DAB1: variants seen among roughly 807,000 people sequenced by gnomAD.
The protein encoded by DAB1 is DAB adaptor protein 1, also known as disabled homolog 1.
DAB1 carries 15 observed loss-of-function variants against 64.6 expected under a neutral mutation model. That is an observed-to-expected ratio of 0.23 (90% CI 0.16 to 0.36). The LOEUF (loss-of-function observed/expected upper bound fraction) is 0.36. DAB1 is among the 10% of genes least tolerant of loss of function. DAB1 has a pLI of 1.00. For missense variants in DAB1, 596 were observed against 706.7 expected (o/e 0.84, Z 1.78); for synonymous variants, 235 against 251.9 (o/e 0.93, Z 0.64).
chr1:58,126,115 A>C lies in DAB1; in HGVS notation n.387+24396T>G, dbSNP rs193162100. On this transcript the variant is annotated intron_variant and non_coding_transcript_variant, in intron 5 of 20. Transcript: ENST00000485760. ...TCAAGCATCAAACTTATTTGGTCCT[A>C]GAATAAAATCAGTCTGACCTTTTCC... Among the ~76,000 whole-genome samples the C allele has an allele frequency of 3.3e-3, 502 of 152,340 alleles. 3 individuals carry two copies. Among genetic ancestry groups the C allele is most frequent in the African/African-American group, 0.012 (485 of 41,590 alleles).
chr1:57,596,504 T>A (rs1645511704), intron 7 of DAB1, among the ~76,000 whole-genome samples: 1 of 151,880 alleles, frequency 6.6e-6, no homozygotes, highest in Admixed American at 6.6e-5. Context: ...TTTTTTTTTT[T>A]AAAGAGCCGA....
intron 5 of DAB1, among the ~76,000 whole-genome samples, chr1:58,139,437 C>A (rs1020179404): frequency 6.6e-6 from 1 of 152,124 alleles, no homozygotes; most frequent in African/African-American, 2.4e-5. Context: ...GCAAACACGT[C>A]CTTCTTCACA....
intron 4 of DAB1, among the ~76,000 whole-genome samples, chr1:58,153,187 AC>A (rs1655039770): frequency 6.6e-6 from 1 of 152,116 alleles, no homozygotes; most frequent in African/African-American, 2.4e-5. Flanking sequence ...TCATGCCTTT[AC>A]CCCCGAGTGC....
At chr1:58,510,946 T>TA (rs1052119399) in intron 2 of DAB1, among the ~76,000 whole-genome samples, 27 of 150,992 alleles carry the variant, frequency 1.8e-4, no homozygotes, top group African/African-American at 4.6e-4. Flanking sequence ...AAAAAGTATC[T>TA]AAAAAAAAAC....
intron 3 of DAB1, among the ~76,000 whole-genome samples, chr1:58,351,446 C>T (rs900263682): frequency 6.6e-6 from 1 of 152,092 alleles, no homozygotes; most frequent in African/African-American, 2.4e-5. Context: ...GATTCAAGAA[C>T]TCTCCATTTC....
At chr1:58,313,856 T>TGTGTGTGTGTGA (rs369709762) in intron 4 of DAB1, among the ~76,000 whole-genome samples, 9 of 112,064 alleles carry the variant, frequency 8.0e-5, no homozygotes, top group African/African-American at 2.7e-4. Flanking sequence ...TGTGTGTGTG[T>TGTGTGTGTGTGA]GAGAGAGAGA....
At chr1:57,012,641 T>C (rs1443096819) in intron 12 of DAB1, among the ~76,000 whole-genome samples, 1 of 152,220 alleles carries the variant, frequency 6.6e-6, no homozygotes, top group African/African-American at 2.4e-5. Flanking sequence ...AACAGCAAGT[T>C]TTTGGAAAAA....
intron 3 of DAB1, among the ~76,000 whole-genome samples, chr1:58,385,159 A>G (rs1211404160): frequency 6.6e-6 from 1 of 152,234 alleles, no homozygotes; most frequent in Non-Finnish European, 1.5e-5. Flanking sequence ...GCATAGCTTT[A>G]TTATATTGAT....
intron 3 of DAB1, among the ~76,000 whole-genome samples, chr1:58,362,317 G>T (rs917234407): frequency 6.6e-6 from 1 of 152,166 alleles, no homozygotes; most frequent in Non-Finnish European, 1.5e-5. Context: ...GACTGCCAAG[G>T]TTGGTCCCTC....
chr1:57,081,140 C>A (rs886138783), intron 4 of DAB1, among the ~76,000 whole-genome samples: 7 of 152,158 alleles, frequency 4.6e-5, no homozygotes, highest in South Asian at 2.1e-4. Flanking sequence ...CCTTCCATGG[C>A]TTTGTGGCCA....
intron 2 of DAB1, among the ~76,000 whole-genome samples, chr1:57,192,303 C>G (rs1253037364): frequency 7.0e-6 from 1 of 142,756 alleles, no homozygotes; most frequent in Non-Finnish European, 1.5e-5. Flanking sequence ...GGTGACAGAG[C>G]AAGTGAGACT....
intron 7 of DAB1, among the ~76,000 whole-genome samples, chr1:57,473,395 C>T (rs1316855665): frequency 6.6e-6 from 1 of 152,170 alleles, no homozygotes; most frequent in Non-Finnish European, 1.5e-5. Flanking sequence ...TTCCCCGCTG[C>T]AGTCACTGAC....
In DAB1 at chr1:57,991,845, CAAAAAAAA is replaced by C. The variant is rs56324635; in HGVS notation, n.388-107691_388-107684del. Among the ~76,000 whole-genome samples the C allele has an allele frequency of 2.0e-4, 12 of 60,154 alleles. No homozygotes were observed. In the South Asian group the frequency reaches 0.013, roughly 66 times the overall value. 39.5% of individuals were successfully genotyped at this position (60,154 alleles called of 152,430 possible). ...TGGGCAACAGATTGAGGCTCTGTCTCAAAAAAAAAAAAAAAAAAAAAAAAGGAGTAGGC... is the reference window on the plus strand; with the variant it reads ...TGGGCAACAGATTGAGGCTCTGTCTCAAAAAAAAAAAAAAAAGGAGTAGGC... On this transcript the variant is annotated intron_variant and non_coding_transcript_variant, in intron 5 of 20. Coordinates refer to the DAB1 transcript ENST00000485760.
At chr1:58,363,912 G>A (rs1644191633) in intron 3 of DAB1, among the ~76,000 whole-genome samples, 1 of 152,198 alleles carries the variant, frequency 6.6e-6, no homozygotes, top group Non-Finnish European at 1.5e-5. Context: ...CCATAGAACA[G>A]TGCATGGATT....
intron 2 of DAB1, among the ~76,000 whole-genome samples, chr1:57,180,781 G>A (rs906688554): frequency 1.3e-5 from 2 of 152,082 alleles, no homozygotes; most frequent in African/African-American, 4.8e-5. Context: ...TCTCTGCATG[G>A]CTCACTAAGG....
At chr1:57,695,244 AGAAAGAAAGAAAGAAGGAAG>A (rs1557427520) in intron 6 of DAB1, among the ~76,000 whole-genome samples, 37 of 59,340 alleles carry the variant, frequency 6.2e-4, no homozygotes, top group African/African-American at 1.6e-3. Context: ...AAAGGAAGAA[AGAAAGAAAGAAAGAAGGAAG>A]GAAGGAAGGA....
chr1:57,841,645 G>T (rs7527007), intron 1 of DAB1, among the ~76,000 whole-genome samples: 23,882 of 152,210 alleles, frequency 0.16, 2,008 homozygotes, highest in East Asian at 0.3. Flanking sequence ...GCTGTACCTT[G>T]GCCCCTTTTA....
chr1:57,270,849 G>A (rs1420528120), intron 2 of DAB1, among the ~76,000 whole-genome samples: 1 of 152,134 alleles, frequency 6.6e-6, no homozygotes. Flanking sequence ...GCTCCTACAA[G>A]TTTAGGATTC....
At chr1:58,386,114 G>A (rs951564831) in intron 3 of DAB1, among the ~76,000 whole-genome samples, 3 of 152,190 alleles carry the variant, frequency 2.0e-5, no homozygotes, top group Non-Finnish European at 4.4e-5. Flanking sequence ...TTTCTCAGGT[G>A]CAGTAACAGA....
Sources: allele counts gnomAD v4.1 joint callset (sites outside exome capture counted in the v4.1 genomes callset), GRCh38; gene constraint gnomAD v4.1.1; transcripts MANE v1.5; gene names NCBI Gene and HGNC (gene_info 2026-07-23, HGNC 2026-07-21).